ADORA2B: variants seen among roughly 807,000 people sequenced by gnomAD.
ADORA2B encodes the protein adenosine receptor A2b.
ADORA2B carries 18 observed loss-of-function variants against 20.8 expected under a neutral mutation model. The observed-to-expected ratio is 0.87, with a 90% CI of 0.60 to 1.29. The LOEUF is 1.29. Among genes scored for constraint, ADORA2B ranks in the 50% most tolerant of loss-of-function variants. ADORA2B has a pLI of 0.00. For missense variants in ADORA2B, 441 were observed against 422.7 expected, an observed-to-expected ratio of 1.04 and a Z score of -0.38; for synonymous variants, 179 against 178.3, an observed-to-expected ratio of 1.00 and a Z score of -0.03.
At chr17:15,929,173 T>C in the ADORA2B span, among the ~76,000 whole-genome samples, 2 of 152,030 alleles carry the variant, frequency 1.3e-5, no homozygotes, top group African/African-American at 4.8e-5. Flanking sequence ...GATGACACCG[T>C]GAGTTGACAC....
chr17:15,967,319 G>A (rs1372004076), intron 1 of ADORA2B, among the ~76,000 whole-genome samples: 3 of 149,286 alleles, frequency 2.0e-5, no homozygotes, highest in Admixed American at 6.7e-5. Flanking sequence ...TGCAACCCCC[G>A]CCTCCTGGGT....
chr17:15,910,228 T>C, the ADORA2B span, among the ~76,000 whole-genome samples: 1 of 152,194 alleles, frequency 6.6e-6, no homozygotes, highest in African/African-American at 2.4e-5. Flanking sequence ...TAGAGCAAGC[T>C]TGTCCAACCC....
the ADORA2B span, among the ~76,000 whole-genome samples, chr17:15,862,346 G>A: frequency 1.3e-3 from 203 of 150,776 alleles, no homozygotes; most frequent in African/African-American, 4.8e-3. Flanking sequence ...CTCCTGAGTA[G>A]CTGGGATTAT....
the ADORA2B span, among the ~76,000 whole-genome samples, chr17:15,921,084 G>A: frequency 6.6e-6 from 1 of 152,196 alleles, no homozygotes; most frequent in African/African-American, 2.4e-5. Context: ...TGAGCCAGTG[G>A]GGCACCCGTG....
the ADORA2B span, among the ~76,000 whole-genome samples, chr17:15,927,640 T>G: frequency 3.9e-5 from 6 of 152,082 alleles, no homozygotes; most frequent in African/African-American, 1.5e-4. Flanking sequence ...AGAGCAAGAC[T>G]CCGTCTCAAA....
intron 1 of ADORA2B, among the ~76,000 whole-genome samples, chr17:15,948,946 G>A (rs1360451269): frequency 2.0e-5 from 3 of 152,132 alleles, no homozygotes; most frequent in South Asian, 2.1e-4. Flanking sequence ...GGTGGCTCAC[G>A]CCTGTAATCC....
At chr17:15,925,494 C>G in the ADORA2B span, among the ~76,000 whole-genome samples, 11 of 152,104 alleles carry the variant, frequency 7.2e-5, no homozygotes, top group African/African-American at 2.7e-4. Context: ...AAATAGTAAT[C>G]TAACACTGTT....
chr17:15,913,241 G>A, the ADORA2B span, among the ~76,000 whole-genome samples: 3 of 152,234 alleles, frequency 2.0e-5, no homozygotes, highest in Non-Finnish European at 4.4e-5. Context: ...CTCCTTGGAA[G>A]CAGAGCTGTG....
chr17:15,934,655 G>T, the ADORA2B span, among the ~76,000 whole-genome samples: 1 of 151,896 alleles, frequency 6.6e-6, no homozygotes, highest in African/African-American at 2.4e-5. Flanking sequence ...AATATATAAT[G>T]ATATAAAAAA....
the ADORA2B span, among the ~76,000 whole-genome samples, chr17:15,892,739 G>A: frequency 1.3e-5 from 2 of 151,230 alleles, no homozygotes; most frequent in Non-Finnish European, 2.9e-5. Context: ...AGAGGACCTC[G>A]GCAAAGGTGA....
At chr17:15,898,046 A>G in the ADORA2B span, among the ~76,000 whole-genome samples, 4 of 152,200 alleles carry the variant, frequency 2.6e-5, no homozygotes, top group African/African-American at 4.8e-5. Flanking sequence ...TGTCCCAACA[A>G]ATCTTTAAGA....
At chr17:15,884,888 C>T in the ADORA2B span, among the ~76,000 whole-genome samples, 1 of 152,118 alleles carries the variant, frequency 6.6e-6, no homozygotes, top group Non-Finnish European at 1.5e-5. Context: ...CATATGCATG[C>T]CTGTATCTTT....
the ADORA2B span, among the ~76,000 whole-genome samples, chr17:15,912,151 G>A: frequency 6.6e-6 from 1 of 150,700 alleles, no homozygotes; most frequent in Non-Finnish European, 1.5e-5. Context: ...GGAGGTGGAG[G>A]TTGCAGTGAG....
At chr17:15,941,025 CT>C (rs1254756081), upstream of ADORA2B, among the ~76,000 whole-genome samples, 2 of 152,216 alleles carry the variant, frequency 1.3e-5, no homozygotes, top group Non-Finnish European at 2.9e-5. Context: ...GGATTCTGCT[CT>C]GGCAGTTGAG....
At chr17:15,874,427 C>T in the ADORA2B span, among the ~76,000 whole-genome samples, 2 of 151,788 alleles carry the variant, frequency 1.3e-5, no homozygotes, top group African/African-American at 4.8e-5. Context: ...GTGGCTCACC[C>T]CTGTAATCTC....
At chr17:15,860,399 C>T in the ADORA2B span, among the ~76,000 whole-genome samples, 1 of 151,980 alleles carries the variant, frequency 6.6e-6, no homozygotes, top group Admixed American at 6.6e-5. Context: ...CTTCTTGGTT[C>T]CCAGTTTCCT....
chr17:15,916,528 G>A, the ADORA2B span, among the ~76,000 whole-genome samples: 1 of 151,818 alleles, frequency 6.6e-6, no homozygotes, highest in Non-Finnish European at 1.5e-5. Context: ...GCAAGGAGGG[G>A]GGGTACATGA....
chr17:15,911,420 G>A, the ADORA2B span, among the ~76,000 whole-genome samples: 2 of 152,162 alleles, frequency 1.3e-5, no homozygotes, highest in African/African-American at 4.8e-5. Context: ...TGGGATACCC[G>A]GAGTCAGTGT....
the ADORA2B span, among the ~76,000 whole-genome samples, chr17:15,862,179 C>CTT: frequency 3.4e-3 from 489 of 143,236 alleles, 6 homozygotes; most frequent in African/African-American, 0.012. Flanking sequence ...TCCCTTCTCC[C>CTT]TTTTTTTTTT....
Sources: allele counts gnomAD v4.1 joint callset (sites outside exome capture counted in the v4.1 genomes callset), GRCh38; gene constraint gnomAD v4.1.1; transcripts MANE v1.5; gene names NCBI Gene and HGNC (gene_info 2026-07-23, HGNC 2026-07-21).